The following LRRFIP2 variants were observed in gnomAD, a reference collection of about 807,000 sequenced individuals.
LRRFIP2 encodes the protein LRR binding FLII interacting protein 2, also known as leucine-rich repeat flightless-interacting protein 2.
LRRFIP2 carries 109 observed loss-of-function variants against 125.9 expected under a neutral mutation model. That is an observed-to-expected ratio of 0.87 (90% CI 0.74 to 1.01). LRRFIP2 has a LOEUF of 1.01. Ranked by LOEUF, LRRFIP2 falls within the 50% of genes least tolerant of loss-of-function variation. LRRFIP2 has a pLI of 0.00. For missense variants in LRRFIP2, 850 were observed against 862.3 expected (o/e 0.99, Z 0.18); for synonymous variants, 291 against 293.1 (o/e 0.99, Z 0.07).
At chr3:37,082,828 T>G (rs554249844) in intron 19 of LRRFIP2, among the ~76,000 whole-genome samples, 1 of 152,238 alleles carries the variant, frequency 6.6e-6, no homozygotes, top group African/African-American at 2.4e-5. Flanking sequence ...GTTGGTCTCC[T>G]ACAGGTTATA....
intron 19 of LRRFIP2, among the ~76,000 whole-genome samples, chr3:37,081,185 T>G (rs944476284): frequency 1.6e-4 from 24 of 152,288 alleles, no homozygotes; most frequent in African/African-American, 4.6e-4. Flanking sequence ...AAAGTTACAG[T>G]GGGCTATGAT....
chr3:37,165,800 A>C (rs189287035), intron 1 of LRRFIP2, among the ~76,000 whole-genome samples: 481 of 40,324 alleles, frequency 0.012, 10 homozygotes, highest in Non-Finnish European at 0.022. Flanking sequence ...AGAAAGAGAA[A>C]GAAAGAAAGA....
intron 6 of LRRFIP2, among the ~76,000 whole-genome samples, chr3:37,116,742 G>A (rs1462835041): frequency 6.6e-6 from 1 of 151,986 alleles, no homozygotes; most frequent in Non-Finnish European, 1.5e-5. Context: ...TTCCATTCAT[G>A]CCTAATGAAA....
chr3:37,071,071 A>G (rs929864909), intron 21 of LRRFIP2, among the ~76,000 whole-genome samples: 7 of 152,248 alleles, frequency 4.6e-5, no homozygotes, highest in East Asian at 1.9e-4. Flanking sequence ...TCAAATTTCA[A>G]TTTTAAAATC....
chr3:37,108,801 A>G lies in LRRFIP2; in HGVS notation c.610-117T>C, dbSNP rs185735231. On this transcript the variant is annotated intron_variant, in intron 11 of 27. Coordinates refer to ENST00000336686, the MANE Select transcript of LRRFIP2 (RefSeq NM_006309.4). ...GTTTTGGAGAATGATATAAGTGTAT[A>G]GCCTCCCAGAATGAAAACCCTGAAG... is the stretch of plus-strand genomic sequence containing the variant. 17 of 704,364 alleles carry G rather than the reference A, an allele frequency of 2.4e-5. No homozygotes were observed. In the African/African-American group the frequency reaches 3.1e-4, roughly 13 times the overall value. 43.6% of individuals were successfully genotyped at this position (704,364 alleles called of 1,614,324 possible).
chr3:37,160,541 A>T (rs1308276219), intron 1 of LRRFIP2, among the ~76,000 whole-genome samples: 1 of 152,174 alleles, frequency 6.6e-6, no homozygotes, highest in Non-Finnish European at 1.5e-5. Flanking sequence ...ACACTTTGGG[A>T]GGCTGACGCA....
At chr3:37,105,160 C>T (rs1430465804) in intron 14 of LRRFIP2, among the ~76,000 whole-genome samples, 1 of 152,084 alleles carries the variant, frequency 6.6e-6, no homozygotes, top group African/African-American at 2.4e-5. Flanking sequence ...CTTTGGTGAA[C>T]TGCACACACA....
At chr3:37,095,555 A>G (rs1267636152) in intron 16 of LRRFIP2, among the ~76,000 whole-genome samples, 3 of 152,232 alleles carry the variant, frequency 2.0e-5, no homozygotes, top group Admixed American at 1.3e-4. Context: ...TGAGAGTTGC[A>G]TATAGGATAC....
intron 2 of LRRFIP2, among the ~76,000 whole-genome samples, chr3:37,132,425 A>T (rs2095450295): frequency 6.6e-6 from 1 of 152,174 alleles, no homozygotes; most frequent in South Asian, 2.1e-4. Flanking sequence ...AGATAATTAA[A>T]ATCTATTCTT....
chr3:37,079,555 A>G (rs2092440061), intron 19 of LRRFIP2, among the ~76,000 whole-genome samples: 1 of 152,204 alleles, frequency 6.6e-6, no homozygotes, highest in African/African-American at 2.4e-5. Flanking sequence ...CCTGGGCAAC[A>G]TAGCAAGGCC....
At position 37,146,587 on chromosome 3, in the gene LRRFIP2, T is replaced by G. The variant is rs945321884; in HGVS notation, c.90+2307A>C. ...AGTGTTTGGTTTTCTGTTCCTGTGT[T>G]AGTCTGTTGAGGATAATGGCTTCCA... On this transcript the variant is annotated intron_variant, in intron 2 of 27. Transcript: ENST00000336686. 3.9e-5 allele frequency among the ~76,000 whole-genome samples: 6 copies of G among 152,334 alleles called. No individual in the cohort carries two copies. The Middle Eastern group carries it at 0.01, about 259-fold the overall frequency.
At chr3:37,113,406 C>A (rs535511454) in intron 7 of LRRFIP2, among the ~76,000 whole-genome samples, 4 of 152,218 alleles carry the variant, frequency 2.6e-5, no homozygotes, top group South Asian at 2.1e-4. Context: ...CTCCTGGACT[C>A]CTGCCACAGT....
chr3:37,138,916 A>T (rs2095624456), intron 2 of LRRFIP2, among the ~76,000 whole-genome samples: 1 of 152,200 alleles, frequency 6.6e-6, no homozygotes, highest in African/African-American at 2.4e-5. Flanking sequence ...GGCATATCCA[A>T]ACTGCCAGAG....
intron 4 of LRRFIP2, among the ~76,000 whole-genome samples, chr3:37,122,781 T>G (rs759763598): frequency 6.6e-6 from 1 of 152,192 alleles, no homozygotes; most frequent in Non-Finnish European, 1.5e-5. Flanking sequence ...AGCCTAACAG[T>G]TGACTAAATT....
intron 1 of LRRFIP2, among the ~76,000 whole-genome samples, chr3:37,173,405 G>A (rs796260285): frequency 1.4e-4 from 22 of 152,236 alleles, no homozygotes; most frequent in African/African-American, 4.3e-4. Context: ...GCCCAGACTG[G>A]TCTTAAACTC....
intron 1 of LRRFIP2, among the ~76,000 whole-genome samples, chr3:37,160,779 CAA>C (rs565182013): frequency 8.4e-6 from 1 of 118,846 alleles, no homozygotes; most frequent in African/African-American, 3.0e-5. Context: ...AACTCTGTCT[CAA>C]AAAAAAAAAG....
chr3:37,129,799 C>T (rs2095380065), intron 2 of LRRFIP2, among the ~76,000 whole-genome samples: 1 of 152,026 alleles, frequency 6.6e-6, no homozygotes, highest in Non-Finnish European at 1.5e-5. Context: ...TTGAGACCAG[C>T]TTAGGCAACA....
intron 14 of LRRFIP2, among the ~76,000 whole-genome samples, chr3:37,103,526 T>C (rs1393840891): frequency 2.6e-5 from 4 of 152,086 alleles, no homozygotes; most frequent in African/African-American, 9.7e-5. Flanking sequence ...ATGAAGGAAA[T>C]AAACTATACC....
At chr3:37,068,180 C>G (rs1376163078) in intron 21 of LRRFIP2, 1 of 152,180 alleles carries the variant, frequency 6.6e-6, no homozygotes, top group African/African-American at 2.4e-5. Context: ...AATACTTTCC[C>G]ATGTGTTGAG....
Sources: allele counts gnomAD v4.1 joint callset (sites outside exome capture counted in the v4.1 genomes callset), GRCh38; gene constraint gnomAD v4.1.1; transcripts MANE v1.5; gene names NCBI Gene and HGNC (gene_info 2026-07-23, HGNC 2026-07-21).